Variants in CPNE2 observed in about 807,000 individuals in gnomAD.
CPNE2 encodes the protein copine 2, also known as copine-2.
In CPNE2, 42 loss-of-function variants were observed where a neutral mutation model predicts 69.7. That is an observed-to-expected ratio of 0.60 (90% CI 0.47 to 0.78). The LOEUF is 0.78. Among genes scored for constraint, CPNE2 ranks in the 30% least tolerant of loss-of-function variants. CPNE2 has a pLI of 0.00. For synonymous variants in CPNE2, 294 were observed against 289.8 expected (o/e 1.01, Z -0.15); for missense variants, 587 against 732.0 (o/e 0.80, Z 2.29).
At chr16:57,102,919 C>A (rs569293232) in intron 1 of CPNE2, among the ~76,000 whole-genome samples, 287 of 152,120 alleles carry the variant, frequency 1.9e-3, no homozygotes, top group African/African-American at 6.5e-3. Flanking sequence ...TCAGTTTTAA[C>A]CTCGCCCCCT....
At chr16:57,121,583 C>G (rs1436895792) in intron 8 of CPNE2, 91 bp from the exon 9 acceptor site, 54 of 1,282,660 alleles carry the variant, frequency 4.2e-5, no homozygotes, top group Non-Finnish European at 6.0e-5. Context: ...CCCCCATTGT[C>G]AAGCCTGTGG....
At chr16:57,114,934 CAAAAA>C (rs55845635) in intron 3 of CPNE2, among the ~76,000 whole-genome samples, 3 of 39,068 alleles carry the variant, frequency 7.7e-5, no homozygotes, top group East Asian at 1.1e-3. Flanking sequence ...TTGTCTCTAC[CAAAAA>C]AAAAAAAAAA....
At chr16:57,097,927 G>C (rs1242445306) in intron 1 of CPNE2, among the ~76,000 whole-genome samples, 1 of 152,252 alleles carries the variant, frequency 6.6e-6, no homozygotes, top group Non-Finnish European at 1.5e-5. Context: ...CGGAGGGGAA[G>C]GAGCTGAGGC....
At chr16:57,099,412 T>A (rs1254593435) in intron 1 of CPNE2, among the ~76,000 whole-genome samples, 1 of 152,164 alleles carries the variant, frequency 6.6e-6, no homozygotes, top group Admixed American at 6.5e-5. Flanking sequence ...CCATGAACAT[T>A]CCTGTGTGTA....
chr16:57,108,061 G>A (rs921092413), intron 1 of CPNE2, among the ~76,000 whole-genome samples: 4 of 151,950 alleles, frequency 2.6e-5, no homozygotes, highest in Admixed American at 1.3e-4. Flanking sequence ...GTAGAGATGG[G>A]GTTTCACCAT....
chr16:57,147,898 T>TAAG lies in CPNE2; in HGVS notation c.*241_*243dup. 1 of 392,214 alleles carries TAAG rather than the reference T, an allele frequency of 2.5e-6. No individual in the cohort carries two copies. 24.3% of individuals were successfully genotyped at this position (392,214 alleles called of 1,614,324 possible). On this transcript the variant is annotated 3_prime_UTR_variant, in exon 16 of 16. Transcript: ENST00000290776. ...CTCCTCTCCCCACCTTTGCCATTCT[T>TAAG]AAGTATTGAATGTACTTTGTATAAT... is the stretch of plus-strand genomic sequence containing the variant.
chr16:57,131,593 C>T (rs552059563), intron 12 of CPNE2, among the ~76,000 whole-genome samples: 1 of 152,242 alleles, frequency 6.6e-6, no homozygotes, highest in East Asian at 1.9e-4. Context: ...TGTCACAGGG[C>T]GATGCTGGGG....
intron 2 of CPNE2, 113 bp downstream of exon 2, chr16:57,111,035 G>C: frequency 1.2e-6 from 1 of 839,334 alleles, no homozygotes; most frequent in Non-Finnish European, 1.7e-6. Context: ...TGGAGTGTGG[G>C]CTGGTGGCAG....
At chr16:57,101,281 T>C (rs2069611666) in intron 1 of CPNE2, among the ~76,000 whole-genome samples, 1 of 152,232 alleles carries the variant, frequency 6.6e-6, no homozygotes, top group African/African-American at 2.4e-5. Flanking sequence ...TTGGTTCTGT[T>C]TCTCCAGAAA....
rs370263923 is a variant in CPNE2 at position 57,137,238 on chromosome 16, G to A, written c.1258G>A (p.Val420Met). 5.6e-6 allele frequency: 9 copies of A among 1,614,206 alleles called. No homozygotes were observed. The highest frequency in any genetic ancestry group is 1.7e-5 in the Admixed American group (1 of 60,030). Residue 420 changes from valine (V) to methionine (M), a missense_variant, in exon 14 of 16, where the codon GTG (valine) becomes ATG (methionine). By Grantham distance (21) the Val-to-Met change is conservative. Around this residue, in one of 5 missense-constraint regions of CPNE2, gnomAD observed 185 missense variants for 252.3 expected, o/e 0.73. Transcript: ENST00000290776. ...CAATTTCTCCCCCATCGTCAACCACGTGGCCCGGTTTGCGGCCCAGGCCAC... is the reference window on the plus strand; with the variant it reads ...CAATTTCTCCCCCATCGTCAACCACATGGCCCGGTTTGCGGCCCAGGCCAC... Reference protein sequence around the residue: ...PTNFSPIVNHVARFAAQATQQ... With the variant: ...PTNFSPIVNHMARFAAQATQQ...
chr16:57,121,056 G>A, intron 7 of CPNE2, 37 bp from the exon 8 acceptor site: 1 of 1,538,492 alleles, frequency 6.5e-7, no homozygotes, highest in Non-Finnish European at 8.9e-7. Context: ...ACCTCTTGGG[G>A]GACAGCTCTG....
At chr16:57,123,567 G>T in intron 10 of CPNE2, 94 bp downstream of exon 10, 1 of 1,375,978 alleles carries the variant, frequency 7.3e-7, no homozygotes, top group South Asian at 1.2e-5. Context: ...AGGGACTTAG[G>T]GTAGACTTCA....
At chr16:57,121,332 A>G in intron 8 of CPNE2, 141 bp downstream of exon 8, 1 of 686,552 alleles carries the variant, frequency 1.5e-6, no homozygotes, top group South Asian at 1.9e-5. Flanking sequence ...TCTAAGACTC[A>G]GTTTCTCCAT....
At chr16:57,114,278 G>C (rs1048106827) in intron 3 of CPNE2, among the ~76,000 whole-genome samples, 2 of 152,218 alleles carry the variant, frequency 1.3e-5, no homozygotes, top group African/African-American at 4.8e-5. Context: ...AACCAGTCCA[G>C]GGCTTGGCCC....
At chr16:57,119,369 G>T in intron 6 of CPNE2, 91 bp downstream of exon 6, 1 of 1,372,258 alleles carries the variant, frequency 7.3e-7, no homozygotes, top group Non-Finnish European at 1.0e-6. Flanking sequence ...GGTCACAGCC[G>T]CTCAGTGTGC....
At chr16:57,136,513 A>AC (rs1245580818) in intron 13 of CPNE2, among the ~76,000 whole-genome samples, 33 of 151,896 alleles carry the variant, frequency 2.2e-4, no homozygotes, top group Admixed American at 7.2e-4. Context: ...GGCCTGAGAG[A>AC]CCCCCCTCCT....
At chr16:57,094,724 T>C (rs1395469668) in intron 1 of CPNE2, among the ~76,000 whole-genome samples, 1 of 152,116 alleles carries the variant, frequency 6.6e-6, no homozygotes, top group African/African-American at 2.4e-5. Flanking sequence ...GCATCCAGGA[T>C]CCTTTGTGGG....
Position 57,130,342 on chromosome 16 carries a change from A to G in CPNE2, c.1116+2439A>G, listed in dbSNP as rs138602435. On this transcript the variant is annotated intron_variant, in intron 12 of 15. Coordinates refer to ENST00000290776, the MANE Select transcript of CPNE2 (RefSeq NM_152727.6). This position sits in a 1 kb window ranked among gnomAD's most constrained non-coding sequence, Gnocchi z 4.1. ...TGCACTGCACTCCAGCCTGGGTGAC[A>G]GAGTGAGACTCTGTCTCTAAAAAAT... Among the ~76,000 whole-genome samples the G allele has an allele frequency of 4.3e-3, 649 of 152,252 alleles. 15 individuals are homozygous for G. In the East Asian group the frequency reaches 0.047, roughly 11 times the overall value.
In CPNE2 at chr16:57,132,458, C is replaced by T. The variant is rs184662731; in HGVS notation, c.1117-2317C>T. ...GTCACTCTGAGATCCCTTGGGCTTT[C>T]TCCATGCCCCACCCGCTGCCTCTAC... On this transcript the variant is annotated intron_variant, in intron 12 of 15. Coordinates refer to ENST00000290776, the MANE Select transcript of CPNE2 (RefSeq NM_152727.6). 1.6e-3 allele frequency among the ~76,000 whole-genome samples: 237 copies of T among 152,324 alleles called. 2 individuals carry two copies. The highest frequency in any genetic ancestry group is 5.1e-3 in the African/African-American group (213 of 41,568).
Sources: allele counts gnomAD v4.1 joint callset (sites outside exome capture counted in the v4.1 genomes callset), GRCh38; gene constraint gnomAD v4.1.1; regional missense constraint gnomAD v4.1.1; non-coding constraint Gnocchi (gnomAD v3.1); transcripts MANE v1.5; gene names NCBI Gene and HGNC (gene_info 2026-07-23, HGNC 2026-07-21).